SCFD2: variants seen among roughly 807,000 people sequenced by gnomAD.
SCFD2 encodes the protein sec1 family domain-containing protein 2.
In SCFD2, 54 loss-of-function variants were observed where a neutral mutation model predicts 58.9. The observed-to-expected ratio is 0.92, with a 90% CI of 0.74 to 1.15. The LOEUF is 1.15. Ranked by LOEUF, SCFD2 falls within the 50% of genes most tolerant of loss-of-function variation. The pLI is 0.00. For missense variants in SCFD2, 805 were observed against 836.6 expected (o/e 0.96, Z 0.47); for synonymous variants, 321 against 335.9 (o/e 0.96, Z 0.49).
chr4:53,250,764 T>C (rs890393902), intron 4 of SCFD2, among the ~76,000 whole-genome samples: 6 of 152,322 alleles, frequency 3.9e-5, no homozygotes, highest in Admixed American at 1.3e-4. Flanking sequence ...GGGAAATATA[T>C]AGCACTAAAT....
intron 4 of SCFD2, among the ~76,000 whole-genome samples, chr4:53,229,391 C>T (rs1729351729): frequency 6.6e-6 from 1 of 152,168 alleles, no homozygotes; most frequent in Admixed American, 6.6e-5. Context: ...CTACAGTAAC[C>T]AAAACAGCAT....
At chr4:53,241,483 A>G (rs896150426) in intron 4 of SCFD2, among the ~76,000 whole-genome samples, 2 of 152,104 alleles carry the variant, frequency 1.3e-5, no homozygotes, top group Non-Finnish European at 2.9e-5. Flanking sequence ...AGGTACCTCC[A>G]GGGGGCCCAC....
At chr4:52,943,588 G>A (rs888380218) in intron 5 of SCFD2, among the ~76,000 whole-genome samples, 1 of 152,124 alleles carries the variant, frequency 6.6e-6, no homozygotes, top group Non-Finnish European at 1.5e-5. Flanking sequence ...CTAACAGGAA[G>A]GGCAAGAGAA....
chr4:53,165,084 T>C (rs762033148), intron 4 of SCFD2, among the ~76,000 whole-genome samples: 19 of 152,340 alleles, frequency 1.2e-4, no homozygotes, highest in Middle Eastern at 3.4e-3. Flanking sequence ...CCTTGTTCCC[T>C]TACTCTTGCT....
chr4:52,992,742 TC>T (rs1721646106), intron 5 of SCFD2, among the ~76,000 whole-genome samples: 1 of 151,844 alleles, frequency 6.6e-6, no homozygotes, highest in Non-Finnish European at 1.5e-5. Context: ...GAAGAGCCCC[TC>T]CGCCCGGCAG....
intron 4 of SCFD2, among the ~76,000 whole-genome samples, chr4:53,186,626 GAT>G (rs1178406942): frequency 6.6e-6 from 1 of 151,980 alleles, no homozygotes; most frequent in Non-Finnish European, 1.5e-5. Context: ...GAGATCATGA[GAT>G]AAAACATTTA....
chr4:52,970,405 G>A (rs1409366135), intron 5 of SCFD2, among the ~76,000 whole-genome samples: 1 of 152,224 alleles, frequency 6.6e-6, no homozygotes, highest in African/African-American at 2.4e-5. Context: ...TATGCCCATG[G>A]AGCCTGGCTC....
chr4:53,069,581 A>G (rs1723760065), intron 5 of SCFD2, among the ~76,000 whole-genome samples: 1 of 152,078 alleles, frequency 6.6e-6, no homozygotes, highest in Non-Finnish European at 1.5e-5. Context: ...TCTGTGGTGG[A>G]AAAAAGAAAG....
At chr4:53,179,531 A>G (rs1451808354) in intron 4 of SCFD2, among the ~76,000 whole-genome samples, 4 of 152,262 alleles carry the variant, frequency 2.6e-5, no homozygotes, top group African/African-American at 9.6e-5. Flanking sequence ...AACCAGTACC[A>G]GCCACTGCAA....
At chr4:53,334,350 C>A (rs1359880993) in intron 2 of SCFD2, among the ~76,000 whole-genome samples, 1 of 152,042 alleles carries the variant, frequency 6.6e-6, no homozygotes, top group Non-Finnish European at 1.5e-5. Flanking sequence ...TGGAACCAAC[C>A]CAAATGTCCA....
chr4:53,360,269 A>C (rs567615362), intron 1 of SCFD2, among the ~76,000 whole-genome samples: 3 of 152,254 alleles, frequency 2.0e-5, no homozygotes, highest in Non-Finnish European at 4.4e-5. Context: ...ATGATTATCC[A>C]AAAGGTATCT....
intron 3 of SCFD2, among the ~76,000 whole-genome samples, chr4:53,277,834 C>T (rs1402422790): frequency 6.6e-6 from 1 of 151,792 alleles, no homozygotes; most frequent in South Asian, 2.1e-4. Flanking sequence ...GGGCAGATCA[C>T]GAGGTCAGGA....
Position 52,887,896 on chromosome 4 carries a change from C to CTTTTTTTT in SCFD2, c.1843-2038_1843-2031dup, listed in dbSNP as rs71195133. Among the ~76,000 whole-genome samples the CTTTTTTTT allele has an allele frequency of 1.1e-3, 86 of 81,666 alleles. 1 individual carries two copies. Among genetic ancestry groups the CTTTTTTTT allele is most frequent in the African/African-American group, 1.8e-3 (37 of 20,060 alleles). 53.6% of individuals were successfully genotyped at this position (81,666 alleles called of 152,430 possible). A position where few individuals can be genotyped will look rare whatever the true frequency, so the allele number is the denominator to read the frequency against. ...TATACCCACGTCTCAACATCTTATT[C>CTTTTTTTT]TTTTTTTTTTTTTTTTTTTTTTTTT... On this transcript the variant is annotated intron_variant, in intron 7 of 8. Transcript: ENST00000401642.
intron 4 of SCFD2, among the ~76,000 whole-genome samples, chr4:53,252,777 TA>T (rs1173521074): frequency 6.6e-6 from 1 of 152,088 alleles, no homozygotes; most frequent in Non-Finnish European, 1.5e-5. Flanking sequence ...CCTAAAACCA[TA>T]AAAACCCTAG....
chr4:53,036,335 T>G (rs1265975294), intron 5 of SCFD2, among the ~76,000 whole-genome samples: 1 of 151,796 alleles, frequency 6.6e-6, no homozygotes, highest in Non-Finnish European at 1.5e-5. Flanking sequence ...TGTGATAGTT[T>G]GCTTAGAATG....
At chr4:52,997,315 C>T (rs1721762419) in intron 5 of SCFD2, among the ~76,000 whole-genome samples, 1 of 152,242 alleles carries the variant, frequency 6.6e-6, no homozygotes, top group African/African-American at 2.4e-5. Context: ...AGGCCCTCTG[C>T]ACTTGGATCA....
At chr4:53,350,929 C>T (rs1734200281) in intron 2 of SCFD2, among the ~76,000 whole-genome samples, 1 of 152,180 alleles carries the variant, frequency 6.6e-6, no homozygotes, top group Non-Finnish European at 1.5e-5. Flanking sequence ...ATGTTGGTCT[C>T]AAACTCCTGA....
chr4:53,248,222 A>C (rs562758697), intron 4 of SCFD2, among the ~76,000 whole-genome samples: 1 of 152,378 alleles, frequency 6.6e-6, no homozygotes, highest in South Asian at 2.1e-4. Context: ...TGACGGGCTT[A>C]GGAAACGGCG....
At chr4:52,879,731 C>G (rs555068261) in intron 8 of SCFD2, among the ~76,000 whole-genome samples, 3 of 152,354 alleles carry the variant, frequency 2.0e-5, no homozygotes, top group African/African-American at 7.2e-5. Flanking sequence ...TTGCTCCAGA[C>G]CATGGCTGTA....
Sources: allele counts gnomAD v4.1 joint callset (sites outside exome capture counted in the v4.1 genomes callset), GRCh38; gene constraint gnomAD v4.1.1; transcripts MANE v1.5; gene names NCBI Gene and HGNC (gene_info 2026-07-23, HGNC 2026-07-21).